The following AGTPBP1 variants were observed in gnomAD, a reference collection of about 807,000 sequenced individuals.
AGTPBP1 encodes the protein ATP/GTP binding carboxypeptidase 1.
A neutral mutation model predicts 143.9 loss-of-function variants in AGTPBP1; 70 were observed. The ratio of observed to expected loss-of-function variants is 0.49; its 90% CI spans 0.40 to 0.59. The LOEUF (loss-of-function observed/expected upper bound fraction) is 0.59, where lower values mean the gene tolerates loss of function less well. Ranked by LOEUF, AGTPBP1 falls within the 20% of genes least tolerant of loss-of-function variation. The probability of loss-of-function intolerance (pLI) is 0.00; values close to 1 mark genes in which losing one functional copy is unlikely to be tolerated. For synonymous variants in AGTPBP1, 463 were observed against 500.2 expected (o/e 0.93, Z 0.99); for missense variants, 1,229 against 1,464.5 (o/e 0.84, Z 2.62).
At chr9:85,636,149 T>C (rs780412625) in intron 13 of AGTPBP1, among the ~76,000 whole-genome samples, 5 of 151,582 alleles carry the variant, frequency 3.3e-5, no homozygotes, top group Non-Finnish European at 7.4e-5. Context: ...CATTAGATAT[T>C]GAAAAAGACC....
chr9:85,632,833 G>A lies in AGTPBP1; in HGVS notation c.1844C>T (p.Ser615Leu), dbSNP rs372746824. The A allele has an allele frequency of 3.1e-6, 5 of 1,614,000 alleles. No homozygotes were observed. In the African/African-American group the frequency reaches 4.0e-5, roughly 13 times the overall value. The change falls in exon 14 of 26, where the codon TCG becomes TTG. Residue 615 changes from serine (S) to leucine (L), a missense_variant. Ser to Leu is a moderately radical substitution (Grantham distance 145). Around this residue, in one of 2 missense-constraint regions of AGTPBP1, gnomAD observed 743 missense variants for 812.2 expected, o/e 0.91. Transcript: ENST00000357081. ...TGTTGGTCCATCAGGTACTTCAACCGATGCTTGTTCTACCGATGAATTTGA... is the reference window on the plus strand; with the variant it reads ...TGTTGGTCCATCAGGTACTTCAACCAATGCTTGTTCTACCGATGAATTTGA... Reference protein sequence around the residue: ...TESNSSVEQASVEVPDGPTLH... With the variant: ...TESNSSVEQALVEVPDGPTLH...
At chr9:85,762,094 T>C in the AGTPBP1 span, among the ~76,000 whole-genome samples, 5 of 152,174 alleles carry the variant, frequency 3.3e-5, no homozygotes, top group Admixed American at 6.5e-5. Context: ...CCAGTTAGAA[T>C]GGCGATCATT....
At chr9:85,753,757 A>AATAGAT in the AGTPBP1 span, among the ~76,000 whole-genome samples, 1 of 145,580 alleles carries the variant, frequency 6.9e-6, no homozygotes, top group African/African-American at 2.6e-5. Flanking sequence ...CCTCTCAATA[A>AATAGAT]ATAGATAGAT....
chr9:85,579,190 T>G lies in AGTPBP1; in HGVS notation c.3166-94A>C. On this transcript the variant is annotated intron_variant, in intron 23 of 25. Transcript: ENST00000357081. ...AAAGTTTTGATGAAAACACAGTAATTAGAGCAAAGCCATGTGGATGTTCTA... is the reference window on the plus strand; with the variant it reads ...AAAGTTTTGATGAAAACACAGTAATGAGAGCAAAGCCATGTGGATGTTCTA... 2.4e-6 allele frequency: 3 copies of G among 1,258,238 alleles called. No individual in the cohort carries two copies. The South Asian group carries it at 4.4e-5, about 18-fold the overall frequency. 77.9% of individuals were successfully genotyped at this position (1,258,238 alleles called of 1,614,324 possible). A position where few individuals can be genotyped will look rare whatever the true frequency, so the allele number is the denominator to read the frequency against.
chr9:85,713,948 AC>A (rs1053720656), intron 1 of AGTPBP1, among the ~76,000 whole-genome samples: 13 of 152,222 alleles, frequency 8.5e-5, no homozygotes, highest in African/African-American at 3.1e-4. Flanking sequence ...AAAAAATCTT[AC>A]GTGATTTCAA....
intron 20 of AGTPBP1, 22 bp downstream of exon 20, chr9:85,589,506 T>A: frequency 6.3e-7 from 1 of 1,589,086 alleles, no homozygotes; most frequent in Non-Finnish European, 8.5e-7. Context: ...ACTGCTATTG[T>A]GAGTTGGGAA....
At chr9:85,624,858 G>A (rs1322679751) in intron 14 of AGTPBP1, among the ~76,000 whole-genome samples, 1 of 152,088 alleles carries the variant, frequency 6.6e-6, no homozygotes, top group African/African-American at 2.4e-5. Context: ...CATAAATGTA[G>A]ACTGCTTTTC....
chr9:85,596,625 A>G (rs1829317808), intron 17 of AGTPBP1, among the ~76,000 whole-genome samples, 176 bp from the exon 18 acceptor site: 1 of 152,234 alleles, frequency 6.6e-6, no homozygotes, highest in South Asian at 2.1e-4. Flanking sequence ...AAGTCAATCA[A>G]TGATATGCTT....
intron 1 of AGTPBP1, among the ~76,000 whole-genome samples, chr9:85,728,841 T>C (rs1289425892): frequency 1.3e-5 from 2 of 152,202 alleles, no homozygotes; most frequent in Admixed American, 6.5e-5. Flanking sequence ...ATATTTTTAT[T>C]AGTATTACCT....
chr9:85,665,795 T>C (rs181900840), intron 8 of AGTPBP1, among the ~76,000 whole-genome samples: 1 of 152,294 alleles, frequency 6.6e-6, no homozygotes, highest in Admixed American at 6.5e-5. Context: ...TTGTGTATGT[T>C]TCTTATTATT....
chr9:85,660,124 C>CA (rs1472975377), intron 9 of AGTPBP1, among the ~76,000 whole-genome samples: 1 of 151,178 alleles, frequency 6.6e-6, no homozygotes, highest in Non-Finnish European at 1.5e-5. Context: ...AATGTAGGGG[C>CA]AAGTTGGTCT....
intron 24 of AGTPBP1, among the ~76,000 whole-genome samples, chr9:85,577,916 C>G (rs1338080434): frequency 2.0e-5 from 3 of 152,070 alleles, no homozygotes; most frequent in African/African-American, 7.2e-5. Flanking sequence ...AAATGCTAAC[C>G]AGTTAGATGT....
chr9:85,623,756 CAAA>C (rs529304682), intron 14 of AGTPBP1, among the ~76,000 whole-genome samples: 8 of 83,838 alleles, frequency 9.5e-5, no homozygotes, highest in Non-Finnish European at 1.3e-4. Context: ...GACTCTGTCT[CAAA>C]AAAAAAAAAA....
At chr9:85,620,934 C>G (rs1013850841) in intron 15 of AGTPBP1, among the ~76,000 whole-genome samples, 1 of 152,124 alleles carries the variant, frequency 6.6e-6, no homozygotes, top group Non-Finnish European at 1.5e-5. Context: ...CATTGTGTAA[C>G]CTTTACCTCA....
chr9:85,628,350 T>C (rs1016039924), intron 14 of AGTPBP1, among the ~76,000 whole-genome samples: 10 of 152,202 alleles, frequency 6.6e-5, no homozygotes, highest in African/African-American at 2.4e-4. Flanking sequence ...TTGGCAAATA[T>C]GGCAGGAAAA....
At position 85,647,217 on chromosome 9, in the gene AGTPBP1, C is replaced by T. The variant is rs141698277; in HGVS notation, c.1088-799G>A. On this transcript the variant is annotated intron_variant, in intron 11 of 25. Transcript: ENST00000357081. ...GCTTGAACCTGGGAGGCGGAGGTTGCGGTGAGCCAAGATCGCGCCATTGCA... is the reference window on the plus strand; with the variant it reads ...GCTTGAACCTGGGAGGCGGAGGTTGTGGTGAGCCAAGATCGCGCCATTGCA... Among the ~76,000 whole-genome samples the T allele has an allele frequency of 1.0e-2, 1,520 of 152,166 alleles. 22 individuals are homozygous for T. The highest frequency in any genetic ancestry group is 0.034 in the African/African-American group (1,426 of 41,500).
intron 7 of AGTPBP1, among the ~76,000 whole-genome samples, chr9:85,671,428 CAT>C (rs369358985): frequency 1.3e-4 from 20 of 151,958 alleles, no homozygotes; most frequent in Middle Eastern, 3.4e-3. Context: ...TTTTTAATTA[CAT>C]GTTAGTTATT....
chr9:85,609,907 T>C (rs1227261980), intron 17 of AGTPBP1, among the ~76,000 whole-genome samples: 3 of 152,184 alleles, frequency 2.0e-5, no homozygotes, highest in South Asian at 2.1e-4. Flanking sequence ...AGTCTCAAAG[T>C]ACCTCAATGT....
At chr9:85,615,967 G>A (rs1830579894) in intron 17 of AGTPBP1, among the ~76,000 whole-genome samples, 1 of 151,396 alleles carries the variant, frequency 6.6e-6, no homozygotes, top group African/African-American at 2.4e-5. Context: ...TGTTTCACAG[G>A]AATATTTAAT....
Sources: gnomAD v4.1 joint callset for allele counts (sites outside exome capture counted in the v4.1 genomes callset) on GRCh38, gnomAD v4.1.1 for gene constraint, gnomAD v4.1.1 regional missense constraint, MANE v1.5 for transcripts, NCBI Gene and HGNC (gene_info 2026-07-23, HGNC 2026-07-21) for gene names.